HS6ST2: variants seen among roughly 807,000 people sequenced by gnomAD.
HS6ST2 encodes heparan-sulfate 6-O-sulfotransferase 2.
HS6ST2 carries 17 observed loss-of-function variants against 33.0 expected under a neutral mutation model. That is an observed-to-expected ratio of 0.52 (90% CI 0.35 to 0.77). The LOEUF is 0.77. Ranked by LOEUF, HS6ST2 falls within the 30% of genes least tolerant of loss-of-function variation. HS6ST2 has a pLI of 0.01. For missense variants in HS6ST2, 519 were observed against 551.7 expected (o/e 0.94, Z 0.59); for synonymous variants, 248 against 237.1 (o/e 1.05, Z -0.42).
intron 3 of HS6ST2, chrX:132,669,425 A>G (rs2063842521): frequency 2.1e-5 from 6 of 286,146 alleles, no homozygotes; most frequent in Non-Finnish European, 3.6e-5. Flanking sequence ...AAAGAAAGCT[A>G]TCCTTTTGGC....
chrX:132,834,670 C>T (rs753202231), intron 2 of HS6ST2, among the ~76,000 whole-genome samples: 1 of 112,531 alleles, frequency 8.9e-6, no homozygotes, highest in South Asian at 3.7e-4. Flanking sequence ...TAAATGTGCA[C>T]TTTGTCAAAG....
chrX:132,712,053 C>T (rs2064235619), intron 2 of HS6ST2, among the ~76,000 whole-genome samples: 1 of 111,668 alleles, frequency 9.0e-6, no homozygotes, highest in African/African-American at 3.3e-5. Context: ...GGTCAGATTG[C>T]AAATCTGCAG....
chrX:132,844,667 C>T (rs1398855545), intron 2 of HS6ST2, among the ~76,000 whole-genome samples: 2 of 111,131 alleles, frequency 1.8e-5, no homozygotes, highest in Non-Finnish European at 3.8e-5. Context: ...CACAGGGACT[C>T]CTATAAGTGG....
intron 2 of HS6ST2, among the ~76,000 whole-genome samples, chrX:132,817,451 C>T (rs1464949062): frequency 9.0e-6 from 1 of 110,871 alleles, no homozygotes; most frequent in Non-Finnish European, 1.9e-5. Context: ...TAACAGCCCT[C>T]CAGGGAACAC....
At chrX:132,919,021 T>A (rs2066623481) in intron 2 of HS6ST2, among the ~76,000 whole-genome samples, 1 of 112,266 alleles carries the variant, frequency 8.9e-6, no homozygotes, top group Non-Finnish European at 1.9e-5. Context: ...AATTATGTTT[T>A]CTTTAATGAA....
At chrX:132,776,820 T>C (rs1283239512) in intron 2 of HS6ST2, among the ~76,000 whole-genome samples, 1 of 111,185 alleles carries the variant, frequency 9.0e-6, no homozygotes, top group Non-Finnish European at 1.9e-5. Flanking sequence ...CATGCAATTT[T>C]CTATACCTGC....
At chrX:132,913,489 T>G (rs1239773017) in intron 2 of HS6ST2, among the ~76,000 whole-genome samples, 1 of 112,676 alleles carries the variant, frequency 8.9e-6, no homozygotes, top group African/African-American at 3.2e-5. Flanking sequence ...CATCCAGATG[T>G]CAGCACACAA....
At chrX:132,870,565 C>T in intron 2 of HS6ST2, among the ~76,000 whole-genome samples, 1 of 111,741 alleles carries the variant, frequency 8.9e-6, no homozygotes, top group East Asian at 2.8e-4. Flanking sequence ...GGTACCAAAA[C>T]AGATAAATTG....
intron 2 of HS6ST2, among the ~76,000 whole-genome samples, chrX:132,904,440 T>A (rs924230096): frequency 3.6e-5 from 4 of 111,535 alleles, no homozygotes; most frequent in African/African-American, 9.8e-5. Context: ...AGTTATGAGG[T>A]CATTCCTGGG....
At chrX:132,644,262 A>G (rs1225275448) in intron 4 of HS6ST2, among the ~76,000 whole-genome samples, 2 of 109,874 alleles carry the variant, frequency 1.8e-5, no homozygotes. Context: ...GAAAGTGGGA[A>G]GATAGGAGTG....
At chrX:132,637,750 AT>A (rs1208543641) in intron 4 of HS6ST2, among the ~76,000 whole-genome samples, 21 of 78,426 alleles carry the variant, frequency 2.7e-4, no homozygotes, top group African/African-American at 1.0e-3. Flanking sequence ...TATAAAAAAT[AT>A]ATATATAAAA....
At chrX:132,774,008 A>G (rs763482376) in intron 2 of HS6ST2, among the ~76,000 whole-genome samples, 9 of 112,456 alleles carry the variant, frequency 8.0e-5, no homozygotes, top group African/African-American at 2.9e-4. Flanking sequence ...CTATTTTAAA[A>G]ACTCAATATG....
chrX:132,722,884 C>CAA (rs144182974), intron 2 of HS6ST2, among the ~76,000 whole-genome samples: 1 of 82,298 alleles, frequency 1.2e-5, no homozygotes, highest in Non-Finnish European at 2.4e-5. Context: ...AATAAAAAAA[C>CAA]AAAAAAAAAA....
intron 2 of HS6ST2, among the ~76,000 whole-genome samples, chrX:132,761,488 G>T (rs1354327810): frequency 9.9e-5 from 11 of 111,652 alleles, no homozygotes; most frequent in Non-Finnish European, 3.8e-5. Flanking sequence ...GGGCACGAAG[G>T]CCTTTGACCC....
At chrX:132,777,258 C>T (rs1229059896) in intron 2 of HS6ST2, among the ~76,000 whole-genome samples, 1 of 108,353 alleles carries the variant, frequency 9.2e-6, no homozygotes, top group African/African-American at 3.4e-5. Context: ...GGAACATTGG[C>T]ATTCCCTGTG....
intron 2 of HS6ST2, among the ~76,000 whole-genome samples, chrX:132,935,094 C>T (rs999099442): frequency 2.7e-5 from 3 of 110,984 alleles, no homozygotes; most frequent in African/African-American, 9.8e-5. Context: ...AACAACAGAT[C>T]CCTAAAACAC....
intron 2 of HS6ST2, among the ~76,000 whole-genome samples, chrX:132,817,663 T>C (rs1427639618): frequency 9.0e-6 from 1 of 111,631 alleles, no homozygotes; most frequent in Non-Finnish European, 1.9e-5. Context: ...TCAATAAACA[T>C]CCCATTATGT....
At chrX:132,775,659 T>C (rs1340041521) in intron 2 of HS6ST2, among the ~76,000 whole-genome samples, 3 of 112,045 alleles carry the variant, frequency 2.7e-5, no homozygotes, top group South Asian at 3.8e-4. Flanking sequence ...GGCCACATCA[T>C]TGTATTACCA....
At chrX:132,867,120 C>T (rs1244503918) in intron 2 of HS6ST2, among the ~76,000 whole-genome samples, 1 of 100,500 alleles carries the variant, frequency 1.0e-5, no homozygotes, top group Non-Finnish European at 2.0e-5. Flanking sequence ...GTGGGTTTGT[C>T]ATAGATAGCT....
Sources: gnomAD v4.1 joint callset for allele counts (sites outside exome capture counted in the v4.1 genomes callset) on GRCh38, gnomAD v4.1.1 for gene constraint, MANE v1.5 for transcripts, NCBI Gene and HGNC (gene_info 2026-07-23, HGNC 2026-07-21) for gene names.